Variants in MLIP observed in about 807,000 individuals in gnomAD.
MLIP encodes the protein muscular LMNA interacting protein.
MLIP carries 79 observed loss-of-function variants against 84.8 expected under a neutral mutation model. That is an observed-to-expected ratio of 0.93 (90% CI 0.78 to 1.12). The LOEUF (loss-of-function observed/expected upper bound fraction) is 1.12, where lower values mean the gene tolerates loss of function less well. MLIP is among the 50% of genes most tolerant of loss of function. The probability of loss-of-function intolerance (pLI) is 0.00; values close to 1 mark genes in which losing one functional copy is unlikely to be tolerated. For synonymous variants in MLIP, 504 were observed against 463.0 expected (o/e 1.09, Z -1.14); for missense variants, 1,257 against 1,160.6 (o/e 1.08, Z -1.21).
intron 9 of MLIP, among the ~76,000 whole-genome samples, chr6:54,188,255 T>G (rs921845043): frequency 2.6e-5 from 4 of 152,220 alleles, no homozygotes; most frequent in Non-Finnish European, 5.9e-5. Flanking sequence ...TTTAGCTACA[T>G]TAAGTTTATG....
chr6:54,266,001 AT>A lies in MLIP; in HGVS notation c.*47del. On this transcript the variant is annotated 3_prime_UTR_variant, in exon 14 of 14. Coordinates refer to ENST00000502396, the MANE Select transcript of MLIP (RefSeq NM_001281747.2). The stretch of plus-strand genomic sequence containing the variant: ...ACACAGGCTGCTGAAGTTTTTTGGA[AT>A]GCTGGTGCTAACCACTTGCTAGATT... The A allele has an allele frequency of 6.2e-7, 1 of 1,604,182 alleles. No homozygotes were observed. The highest frequency in any genetic ancestry group is 8.5e-7 in the Non-Finnish European group (1 of 1,173,270).
At chr6:54,118,403 A>T (rs1178114773) in intron 1 of MLIP, among the ~76,000 whole-genome samples, 1 of 152,234 alleles carries the variant, frequency 6.6e-6, no homozygotes, top group East Asian at 1.9e-4. Context: ...TGTTTGATAA[A>T]GGTGCCAAGA....
At chr6:54,033,816 T>C (rs1426844168) in intron 1 of MLIP, among the ~76,000 whole-genome samples, 1 of 152,182 alleles carries the variant, frequency 6.6e-6, no homozygotes, top group Non-Finnish European at 1.5e-5. Context: ...CATGAGGTCA[T>C]TATTATTCTT....
At chr6:54,158,960 T>C (rs1774335473) in intron 5 of MLIP, among the ~76,000 whole-genome samples, 1 of 152,118 alleles carries the variant, frequency 6.6e-6, no homozygotes, top group Non-Finnish European at 1.5e-5. Flanking sequence ...TTGCCCAGGC[T>C]AGAGTGCAGT....
At chr6:54,247,704 A>C (rs1035305507) in intron 12 of MLIP, among the ~76,000 whole-genome samples, 1 of 152,110 alleles carries the variant, frequency 6.6e-6, no homozygotes, top group Non-Finnish European at 1.5e-5. Flanking sequence ...TATAGAAAGA[A>C]GCCCTTCTGT....
chr6:54,024,533 A>C (rs1034161690), intron 1 of MLIP, among the ~76,000 whole-genome samples: 6 of 152,214 alleles, frequency 3.9e-5, no homozygotes, highest in African/African-American at 1.4e-4. Flanking sequence ...ACAGACTTTC[A>C]AATCAGTATA....
intron 1 of MLIP, among the ~76,000 whole-genome samples, chr6:54,093,627 CAA>C (rs1191651522): frequency 2.0e-5 from 3 of 152,100 alleles, no homozygotes; most frequent in African/African-American, 7.2e-5. Context: ...TTGGTGCTTA[CAA>C]AATGATTTAT....
chr6:54,227,723 G>C (rs1169629520), intron 11 of MLIP, among the ~76,000 whole-genome samples: 1 of 152,072 alleles, frequency 6.6e-6, no homozygotes, highest in African/African-American at 2.4e-5. Context: ...TTTCCAACCT[G>C]GAATTTCATA....
intron 3 of MLIP, among the ~76,000 whole-genome samples, chr6:54,133,404 T>C (rs1582230660): frequency 1.3e-5 from 2 of 152,254 alleles, no homozygotes; most frequent in East Asian, 3.9e-4. Flanking sequence ...GAGCTGCCAT[T>C]ATGCAATGAT....
At chr6:54,148,390 G>A (rs565402241) in intron 4 of MLIP, among the ~76,000 whole-genome samples, 1 of 152,120 alleles carries the variant, frequency 6.6e-6, no homozygotes, top group Non-Finnish European at 1.5e-5. Flanking sequence ...TTAACACTTA[G>A]GAAATTTTAA....
At chr6:54,047,054 T>C (rs1485608247) in intron 1 of MLIP, 3 of 152,240 alleles carry the variant, frequency 2.0e-5, no homozygotes, top group Admixed American at 6.5e-5. Flanking sequence ...AAGTTATTCA[T>C]GACCAAGATA....
At chr6:54,233,721 A>G (rs1360150460) in intron 12 of MLIP, among the ~76,000 whole-genome samples, 1 of 147,564 alleles carries the variant, frequency 6.8e-6, no homozygotes, top group Non-Finnish European at 1.5e-5. Context: ...ATCAAATGGT[A>G]TTTCTGGATC....
Position 54,071,332 on chromosome 6 carries a change from A to G in MLIP, c.64-50115A>G, listed in dbSNP as rs186804750. On this transcript the variant is annotated intron_variant, in intron 1 of 12. Transcript: ENST00000274897. ...CTATCAAAGTTATCTTCAAAAAGAAAAAAAAACAAAGTTATCTTCATAGGC... is the reference window on the plus strand; with the variant it reads ...CTATCAAAGTTATCTTCAAAAAGAAGAAAAAACAAAGTTATCTTCATAGGC... 1.4e-3 allele frequency among the ~76,000 whole-genome samples: 214 copies of G among 152,280 alleles called. 2 individuals are homozygous for G. The highest frequency in any genetic ancestry group is 4.9e-3 in the African/African-American group (204 of 41,590).
chr6:54,185,419 G>A (rs1777291966), intron 9 of MLIP, among the ~76,000 whole-genome samples: 1 of 152,246 alleles, frequency 6.6e-6, no homozygotes, highest in Non-Finnish European at 1.5e-5. Context: ...ATGTCTGGGG[G>A]TGTCTAAAGC....
At chr6:54,113,423 C>A (rs1019413135) in intron 1 of MLIP, among the ~76,000 whole-genome samples, 4 of 152,028 alleles carry the variant, frequency 2.6e-5, no homozygotes, top group Non-Finnish European at 5.9e-5. Context: ...TGTTGTATTA[C>A]GTATTGTTGA....
intron 4 of MLIP, among the ~76,000 whole-genome samples, chr6:54,143,378 G>A (rs1253910955): frequency 1.3e-5 from 2 of 152,016 alleles, no homozygotes; most frequent in African/African-American, 4.8e-5. Context: ...GCTAAGTTTT[G>A]TATTTTTAGT....
At chr6:54,079,981 C>T (rs546441369) in intron 1 of MLIP, among the ~76,000 whole-genome samples, 18 of 152,284 alleles carry the variant, frequency 1.2e-4, no homozygotes, top group African/African-American at 4.3e-4. Flanking sequence ...CAGCATAGCA[C>T]GGGATGGGAA....
In MLIP at chr6:54,093,923, C is replaced by A. The variant is rs147158856; in HGVS notation, c.64-27524C>A. Among the ~76,000 whole-genome samples the A allele has an allele frequency of 3.1e-3, 474 of 152,268 alleles. 6 individuals are homozygous for A. The highest frequency in any genetic ancestry group is 0.011 in the African/African-American group (452 of 41,560). ...CTGGCCCCTTACAGAAAGAGTTTGC[C>A]AACTTCTGGGAATTGTCTGATAATG... On this transcript the variant is annotated intron_variant, in intron 1 of 12. Coordinates refer to the MLIP transcript ENST00000274897.
chr6:54,074,820 A>G (rs903132267), intron 1 of MLIP, among the ~76,000 whole-genome samples: 1 of 152,226 alleles, frequency 6.6e-6, no homozygotes, highest in Non-Finnish European at 1.5e-5. Context: ...GTGAGGGATT[A>G]GAAACACTAG....
Sources: gnomAD v4.1 joint callset for allele counts (sites outside exome capture counted in the v4.1 genomes callset) on GRCh38, gnomAD v4.1.1 for gene constraint, MANE v1.5 for transcripts, NCBI Gene and HGNC (gene_info 2026-07-23, HGNC 2026-07-21) for gene names.